Variants in USH2A observed in about 807,000 individuals in gnomAD.
USH2A encodes the protein Usher syndrome 2A (autosomal recessive, mild).
Under a neutral mutation model 538.9 loss-of-function variants are expected in USH2A, and 443 were observed. That is an observed-to-expected ratio of 0.82 (90% CI 0.76 to 0.89). USH2A has a LOEUF of 0.89. USH2A is among the 40% of genes least tolerant of loss of function. The pLI is 0.00. For missense variants in USH2A, 6,633 were observed against 6,324.8 expected (o/e 1.05, Z -1.65); for synonymous variants, 2,413 against 2,273.5 (o/e 1.06, Z -1.75).
Position 216,422,041 on chromosome 1 carries a change from G to T in USH2A, c.296C>A (p.Ala99Asp). The T allele has an allele frequency of 6.2e-7, 1 of 1,613,884 alleles. No homozygotes were observed. Among genetic ancestry groups the T allele is most frequent in the Non-Finnish European group, 8.5e-7 (1 of 1,179,914 alleles). ...PYRSSHPTYT[A>D]LFSAGLSSCI... ...GCTACTGAGGCCTGCTGAGAAAAGG[G>T]CAGTGTAGGTAGGGTGTGAAGATCT... is the stretch of plus-strand genomic sequence containing the variant. The change falls in exon 2 of 72, where the codon GCC becomes GAC. Residue 99 changes from alanine (A) to aspartate (D), a missense_variant. Coordinates refer to ENST00000307340, the MANE Select transcript of USH2A (RefSeq NM_206933.4).
rs531400901 is a variant in USH2A, at chr1:216,110,903, G to C, written c.4628-13690C>G. Among the ~76,000 whole-genome samples the C allele has an allele frequency of 3.9e-5, 6 of 152,242 alleles. No homozygotes were observed. In the South Asian group the frequency reaches 6.2e-4, roughly 16 times the overall value. On this transcript the variant is annotated intron_variant, in intron 21 of 71. Transcript: ENST00000307340. ...TTTCTTGAAACTACTACCACCACCA[G>C]ACTGTCTCTTTCTTGTTGATTTTTA...
chr1:215,902,874 A>G (rs952928832), intron 38 of USH2A, among the ~76,000 whole-genome samples: 54 of 152,106 alleles, frequency 3.6e-4, no homozygotes, highest in African/African-American at 1.3e-3. Context: ...GAGGGAGAGG[A>G]AAAGTCTTCA....
At chr1:216,153,017 A>G (rs148717300) in intron 21 of USH2A, among the ~76,000 whole-genome samples, 1 of 152,282 alleles carries the variant, frequency 6.6e-6, no homozygotes, top group Non-Finnish European at 1.5e-5. Context: ...GGGGTTAGTC[A>G]GAGAGGAGAT....
intron 4 of USH2A, among the ~76,000 whole-genome samples, chr1:216,337,853 A>G (rs1478078441): frequency 6.6e-6 from 1 of 151,404 alleles, no homozygotes; most frequent in African/African-American, 2.4e-5. Context: ...AATTTATAAT[A>G]TTTCTTTATA....
chr1:216,075,689 T>G (rs1350815986), intron 27 of USH2A, among the ~76,000 whole-genome samples: 1 of 152,186 alleles, frequency 6.6e-6, no homozygotes, highest in Non-Finnish European at 1.5e-5. Context: ...GACCCAGTCA[T>G]GCCCAACCTA....
At chr1:216,151,822 G>A (rs1239477024) in intron 21 of USH2A, among the ~76,000 whole-genome samples, 2 of 152,074 alleles carry the variant, frequency 1.3e-5, no homozygotes, top group African/African-American at 2.4e-5. Context: ...AAGTAATTAC[G>A]CTGAACCCCC....
At chr1:215,877,654 A>G (rs1427025810) in intron 43 of USH2A, 104 bp downstream of exon 43, 5 of 1,542,742 alleles carry the variant, frequency 3.2e-6, no homozygotes, top group Non-Finnish European at 4.4e-6. Flanking sequence ...TTATTGCATA[A>G]CTGATAACAC....
chr1:216,140,422 A>C (rs979581587), intron 21 of USH2A, among the ~76,000 whole-genome samples: 1 of 152,208 alleles, frequency 6.6e-6, no homozygotes, highest in African/African-American at 2.4e-5. Flanking sequence ...GTATATTTTA[A>C]CACAGTTCTT....
intron 14 of USH2A, among the ~76,000 whole-genome samples, chr1:216,218,827 G>A (rs2035395652): frequency 6.6e-6 from 1 of 151,998 alleles, no homozygotes; most frequent in Non-Finnish European, 1.5e-5. Context: ...AAGTTTTAGA[G>A]CTGAAGAAAA....
At chr1:215,665,156 G>A (rs1480007008) in intron 64 of USH2A, among the ~76,000 whole-genome samples, 1 of 152,182 alleles carries the variant, frequency 6.6e-6, no homozygotes, top group Non-Finnish European at 1.5e-5. Flanking sequence ...CAGCAACAGT[G>A]AGGATCCCCT....
intron 13 of USH2A, among the ~76,000 whole-genome samples, chr1:216,243,147 G>A (rs1462746099): frequency 6.6e-6 from 1 of 152,146 alleles, no homozygotes; most frequent in Non-Finnish European, 1.5e-5. Flanking sequence ...GCATGTCCTT[G>A]GAAGGAAGAG....
chr1:215,642,579 T>C (rs147904068), intron 67 of USH2A, among the ~76,000 whole-genome samples: 2 of 152,310 alleles, frequency 1.3e-5, no homozygotes, highest in East Asian at 3.9e-4. Flanking sequence ...CTTAAATAAA[T>C]TATATTAAAA....
chr1:215,870,269 AT>A (rs10605290), intron 43 of USH2A, among the ~76,000 whole-genome samples: 3,583 of 149,050 alleles, frequency 0.024, 63 homozygotes, highest in Non-Finnish European at 0.037. Flanking sequence ...AGGAAACAAG[AT>A]TTTTTTTTTA....
chr1:216,302,781 T>C (rs2037238797), intron 9 of USH2A, among the ~76,000 whole-genome samples: 1 of 152,054 alleles, frequency 6.6e-6, no homozygotes. Context: ...ATTGGAAAAT[T>C]ATCCAATGAA....
chr1:215,978,995 A>G (rs1667686733), intron 35 of USH2A, among the ~76,000 whole-genome samples: 1 of 152,178 alleles, frequency 6.6e-6, no homozygotes, highest in African/African-American at 2.4e-5. Flanking sequence ...TCTCATGCTA[A>G]TAATAAAGAC....
chr1:215,894,363 G>A (rs1665273700), intron 40 of USH2A, among the ~76,000 whole-genome samples: 1 of 152,080 alleles, frequency 6.6e-6, no homozygotes, highest in African/African-American at 2.4e-5. Flanking sequence ...TGCAATATTA[G>A]TTTTAAAATT....
At chr1:216,224,968 A>G (rs2035532395) in intron 14 of USH2A, among the ~76,000 whole-genome samples, 1 of 152,150 alleles carries the variant, frequency 6.6e-6, no homozygotes, top group Admixed American at 6.5e-5. Flanking sequence ...TTCTATTTGT[A>G]ATAACCTACC....
chr1:216,120,630 C>T lies in USH2A; in HGVS notation c.4628-23417G>A, dbSNP rs1338295671. Among the ~76,000 whole-genome samples the T allele has an allele frequency of 3.3e-5, 5 of 151,938 alleles. No homozygotes were observed. The East Asian group carries it at 7.9e-4, about 24-fold the overall frequency. ...TCCTGACCTCATGATCCACCCGCCT[C>T]GGCCTCCCAAAGTGCTAGGACCACA... is the stretch of plus-strand genomic sequence containing the variant. On this transcript the variant is annotated intron_variant, in intron 21 of 71. Coordinates refer to ENST00000307340, the MANE Select transcript of USH2A (RefSeq NM_206933.4).
At position 215,650,818 on chromosome 1, in the gene USH2A, A is replaced by G. The variant is rs777384777; in HGVS notation, c.14134-17T>C. 2 of 1,613,122 alleles carry G rather than the reference A, an allele frequency of 1.2e-6. No homozygotes were observed. Among genetic ancestry groups the G allele is most frequent in the Admixed American group, 1.7e-5 (1 of 59,968 alleles). ...TGCCCAGACCTCCAAAGAGAAATCA[A>G]CAAGACTGTCAAAAGCAAGATACCC... is the stretch of plus-strand genomic sequence containing the variant. On this transcript the variant is annotated splice_polypyrimidine_tract_variant and intron_variant, in intron 64 of 71. Transcript: ENST00000307340.
Sources: allele counts gnomAD v4.1 joint callset (sites outside exome capture counted in the v4.1 genomes callset), GRCh38; gene constraint gnomAD v4.1.1; transcripts MANE v1.5; gene names NCBI Gene and HGNC (gene_info 2026-07-23, HGNC 2026-07-21).